Variants in HDAC9 observed in about 807,000 individuals in gnomAD.
HDAC9 encodes histone deacetylase 9.
HDAC9 carries 41 observed loss-of-function variants against 139.4 expected under a neutral mutation model. That is an observed-to-expected ratio of 0.29 (90% CI 0.23 to 0.38). HDAC9 has a LOEUF of 0.38. Ranked by LOEUF, HDAC9 falls within the 10% of genes least tolerant of loss-of-function variation. HDAC9 has a pLI of 1.00. For synonymous variants in HDAC9, 517 were observed against 476.2 expected, an observed-to-expected ratio of 1.09 and a Z score of -1.12; for missense variants, 1,147 against 1,297.0, an observed-to-expected ratio of 0.88 and a Z score of 1.78.
Position 18,340,373 on chromosome 7 carries a change from A to G in HDAC9, c.-42+49858A>G, listed in dbSNP as rs537812974. ...CCATATACCTTTAGTGTGATTATTG[A>G]TATGGTTAGGTTTAAATCTACTATT... On this transcript the variant is annotated intron_variant, in intron 1 of 3. Transcript: ENST00000413509. 3.3e-5 allele frequency among the ~76,000 whole-genome samples: 5 copies of G among 151,586 alleles called. No homozygotes were observed. In the East Asian group the frequency reaches 9.7e-4, roughly 29 times the overall value.
intron 1 of HDAC9, among the ~76,000 whole-genome samples, chr7:18,129,027 G>T (rs1051132170): frequency 1.3e-5 from 2 of 152,172 alleles, no homozygotes; most frequent in Admixed American, 6.5e-5. Context: ...TCGCAAGAGA[G>T]AGAACATAAC....
chr7:18,391,299 C>T (rs1786459176), intron 1 of HDAC9, among the ~76,000 whole-genome samples: 1 of 151,912 alleles, frequency 6.6e-6, no homozygotes, highest in Admixed American at 6.6e-5. Context: ...GCAGGAGAAT[C>T]ACTGGAACCC....
At chr7:18,112,245 C>T (rs1363712152) in intron 1 of HDAC9, among the ~76,000 whole-genome samples, 1 of 152,084 alleles carries the variant, frequency 6.6e-6, no homozygotes, top group Non-Finnish European at 1.5e-5. Context: ...TTGAAATTAG[C>T]CAAAGTGAGA....
chr7:18,190,192 A>G (rs961778517), intron 2 of HDAC9, among the ~76,000 whole-genome samples: 4 of 151,986 alleles, frequency 2.6e-5, no homozygotes, highest in Non-Finnish European at 5.9e-5. Flanking sequence ...TGTCCCACCA[A>G]TCTTACCCTC....
chr7:18,983,447 G>C (rs558413888), intron 25 of HDAC9, among the ~76,000 whole-genome samples: 22 of 151,986 alleles, frequency 1.4e-4, no homozygotes, highest in Admixed American at 3.9e-4. Context: ...CCTATTTTCA[G>C]TTTTTTTGGA....
chr7:18,243,943 T>A (rs1794354670), intron 2 of HDAC9, among the ~76,000 whole-genome samples: 1 of 152,174 alleles, frequency 6.6e-6, no homozygotes. Context: ...GTGATAATAG[T>A]ACTGTTGTGC....
chr7:18,791,783 G>T (rs537104058), intron 16 of HDAC9, among the ~76,000 whole-genome samples: 8 of 152,316 alleles, frequency 5.3e-5, no homozygotes, highest in Admixed American at 3.9e-4. Flanking sequence ...CCTCTACTAT[G>T]TGCCAGGCTT....
chr7:18,160,727 C>G (rs962192534), intron 1 of HDAC9, among the ~76,000 whole-genome samples: 3 of 152,078 alleles, frequency 2.0e-5, no homozygotes, highest in African/African-American at 7.2e-5. Flanking sequence ...AGTGATTCTC[C>G]TGCTTCAGCC....
chr7:18,607,697 G>C (rs1208725854), intron 6 of HDAC9, among the ~76,000 whole-genome samples: 1 of 152,128 alleles, frequency 6.6e-6, no homozygotes, highest in Non-Finnish European at 1.5e-5. Context: ...AGTGCTTCAT[G>C]ATTTTAGATT....
chr7:18,334,860 C>T (rs531972811), intron 1 of HDAC9, among the ~76,000 whole-genome samples: 41 of 151,572 alleles, frequency 2.7e-4, no homozygotes, highest in African/African-American at 9.7e-4. Context: ...CCAGAGATTA[C>T]AGGCGGGGAT....
intron 11 of HDAC9, 34 bp from the exon 12 acceptor site, chr7:18,666,179 A>G (rs776176928): frequency 1.9e-6 from 3 of 1,556,604 alleles, no homozygotes; most frequent in South Asian, 2.4e-5. Context: ...ATGAAGAACT[A>G]CTGAATTTTG....
intron 17 of HDAC9, among the ~76,000 whole-genome samples, chr7:18,798,288 A>T (rs1792983654): frequency 6.6e-6 from 1 of 152,214 alleles, no homozygotes; most frequent in Admixed American, 6.5e-5. Flanking sequence ...TTTTCTCCAT[A>T]AAAACAATGA....
chr7:18,788,740 G>C (rs1348740375), intron 16 of HDAC9, among the ~76,000 whole-genome samples: 5 of 140,068 alleles, frequency 3.6e-5, no homozygotes, highest in Admixed American at 2.2e-4. Flanking sequence ...GGATGACAGA[G>C]CGAGACTCTG....
intron 1 of HDAC9, among the ~76,000 whole-genome samples, chr7:18,413,848 A>C (rs1254466806): frequency 1.3e-5 from 2 of 151,016 alleles, no homozygotes; most frequent in Non-Finnish European, 3.0e-5. Flanking sequence ...GCATTAGCTA[A>C]TAATGATTAA....
intron 2 of HDAC9, among the ~76,000 whole-genome samples, chr7:18,277,547 G>A (rs1796821635): frequency 6.6e-6 from 1 of 152,100 alleles, no homozygotes; most frequent in African/African-American, 2.4e-5. Flanking sequence ...AGAACTTATA[G>A]TTCTTTTCTT....
intron 10 of HDAC9, 132 bp from the exon 11 acceptor site, chr7:18,648,334 C>G (rs996684778): frequency 2.7e-6 from 2 of 752,026 alleles, no homozygotes; most frequent in African/African-American, 3.5e-5. Context: ...CACTAATTCA[C>G]TAATTTTCTT....
intron 16 of HDAC9, among the ~76,000 whole-genome samples, chr7:18,791,589 C>T (rs1424965444): frequency 6.6e-6 from 1 of 152,136 alleles, no homozygotes; most frequent in Non-Finnish European, 1.5e-5. Context: ...CACTCTTTAG[C>T]TGACAGTGCA....
chr7:18,988,123 C>A (rs1255956202), intron 25 of HDAC9, among the ~76,000 whole-genome samples: 1 of 152,048 alleles, frequency 6.6e-6, no homozygotes, highest in African/African-American at 2.4e-5. Context: ...TGTGTTTGCT[C>A]TTGCTTTTCT....
chr7:18,969,836 T>C (rs1784134099), intron 24 of HDAC9, among the ~76,000 whole-genome samples: 2 of 152,306 alleles, frequency 1.3e-5, no homozygotes, highest in Admixed American at 1.3e-4. Context: ...GAAAACTTTT[T>C]GACATTTAAC....
Sources: gnomAD v4.1 joint callset for allele counts (sites outside exome capture counted in the v4.1 genomes callset) on GRCh38, gnomAD v4.1.1 for gene constraint, MANE v1.5 for transcripts, NCBI Gene and HGNC (gene_info 2026-07-23, HGNC 2026-07-21) for gene names.